The following CNTN4 variants were observed in gnomAD, a reference collection of about 807,000 sequenced individuals.
The protein encoded by CNTN4 is contactin-4.
A neutral mutation model predicts 122.5 loss-of-function variants in CNTN4; 77 were observed. That is an observed-to-expected ratio of 0.63 (90% CI 0.52 to 0.76). The LOEUF (loss-of-function observed/expected upper bound fraction) is 0.76, where lower values mean the gene tolerates loss of function less well. Ranked by LOEUF, CNTN4 falls within the 30% of genes least tolerant of loss-of-function variation. The pLI is 0.00. For synonymous variants in CNTN4, 512 were observed against 447.0 expected, an observed-to-expected ratio of 1.15 and a Z score of -1.83; for missense variants, 1,256 against 1,259.1, an observed-to-expected ratio of 1.00 and a Z score of 0.04.
At chr3:2,152,174 G>A (rs1198747797) in intron 2 of CNTN4, among the ~76,000 whole-genome samples, 1 of 152,118 alleles carries the variant, frequency 6.6e-6, no homozygotes, top group Non-Finnish European at 1.5e-5. Context: ...TGTGGGAGAA[G>A]GAATTACCAG....
At chr3:2,850,076 A>C (rs1577048856) in intron 7 of CNTN4, among the ~76,000 whole-genome samples, 1 of 144,054 alleles carries the variant, frequency 6.9e-6, no homozygotes, top group East Asian at 2.1e-4. Flanking sequence ...TGCAAGCTCC[A>C]CCTCCCGAGT....
chr3:2,601,181 G>A (rs1474653036), intron 4 of CNTN4, among the ~76,000 whole-genome samples: 1 of 152,126 alleles, frequency 6.6e-6, no homozygotes, highest in Admixed American at 6.5e-5. Context: ...AGTTTCTTTT[G>A]TTGTGCAGAA....
At chr3:2,216,335 T>A (rs906098831) in intron 2 of CNTN4, among the ~76,000 whole-genome samples, 19 of 152,240 alleles carry the variant, frequency 1.2e-4, no homozygotes, top group Admixed American at 1.0e-3. Context: ...AGCTAAATGA[T>A]GAGAACTTAT....
intron 4 of CNTN4, among the ~76,000 whole-genome samples, chr3:2,616,021 T>C (rs1333859115): frequency 4.7e-5 from 2 of 42,188 alleles, no homozygotes; most frequent in African/African-American, 1.5e-4. Flanking sequence ...TCAGGCTGCC[T>C]TTTTTTTTTT....
At chr3:2,464,877 T>C (rs1559576760) in intron 3 of CNTN4, among the ~76,000 whole-genome samples, 1 of 152,214 alleles carries the variant, frequency 6.6e-6, no homozygotes, top group Non-Finnish European at 1.5e-5. Context: ...CATCTGGAAA[T>C]GACTTTCCTG....
intron 4 of CNTN4, among the ~76,000 whole-genome samples, chr3:2,660,200 A>C (rs2083811110): frequency 7.0e-6 from 1 of 143,278 alleles, no homozygotes; most frequent in Admixed American, 7.1e-5. Flanking sequence ...TCAAGGTCTA[A>C]GAGATGGTTT....
chr3:2,212,594 C>T (rs2038671415), intron 2 of CNTN4, among the ~76,000 whole-genome samples: 1 of 152,220 alleles, frequency 6.6e-6, no homozygotes, highest in African/African-American at 2.4e-5. Flanking sequence ...GTGATCTCTA[C>T]CTGGCCCTGC....
intron 4 of CNTN4, among the ~76,000 whole-genome samples, chr3:2,704,296 C>CAAAAAAAAA (rs151155380): frequency 1.4e-5 from 1 of 69,510 alleles, no homozygotes; most frequent in Admixed American, 1.8e-4. Flanking sequence ...GACTTCATTT[C>CAAAAAAAAA]AAAAAAAAAA....
intron 10 of CNTN4, among the ~76,000 whole-genome samples, chr3:2,896,936 T>G (rs927652919): frequency 2.6e-5 from 4 of 151,752 alleles, no homozygotes; most frequent in South Asian, 2.1e-4. Flanking sequence ...AGAGGGTTTT[T>G]TTTTTTTTTT....
intron 3 of CNTN4, among the ~76,000 whole-genome samples, chr3:2,433,183 A>G (rs2048139614): frequency 6.6e-6 from 1 of 152,164 alleles, no homozygotes; most frequent in Admixed American, 6.5e-5. Flanking sequence ...AGAATCATAT[A>G]GTAATTCTAT....
intron 2 of CNTN4, among the ~76,000 whole-genome samples, chr3:2,173,828 A>G (rs115162385): frequency 0.02 from 3,040 of 152,318 alleles, 109 homozygotes; most frequent in African/African-American, 0.069. Flanking sequence ...ATAAAATTTG[A>G]AAAAGAACTA....
chr3:2,159,931 G>A (rs904466021), intron 2 of CNTN4, among the ~76,000 whole-genome samples: 11 of 151,432 alleles, frequency 7.3e-5, no homozygotes, highest in Non-Finnish European at 1.3e-4. Flanking sequence ...TTGCAAATTA[G>A]AAAATGACTA....
chr3:2,311,015 A>G (rs1287970924), intron 2 of CNTN4, among the ~76,000 whole-genome samples: 1 of 152,130 alleles, frequency 6.6e-6, no homozygotes, highest in Non-Finnish European at 1.5e-5. Flanking sequence ...TTTATTTTTT[A>G]AGAATGAAAA....
chr3:2,482,994 A>G (rs1201991520), intron 3 of CNTN4, among the ~76,000 whole-genome samples: 1 of 152,166 alleles, frequency 6.6e-6, no homozygotes, highest in Admixed American at 6.5e-5. Context: ...GAAGGCCACC[A>G]TCCTCCAGAC....
chr3:2,927,257 T>C (rs1332441958), intron 13 of CNTN4: 1 of 453,948 alleles, frequency 2.2e-6, no homozygotes, highest in Non-Finnish European at 4.4e-6. Context: ...CCCTGAGTTC[T>C]GGCTTATAAC....
intron 2 of CNTN4, among the ~76,000 whole-genome samples, chr3:2,184,131 G>A (rs1464782510): frequency 6.6e-6 from 1 of 151,892 alleles, no homozygotes; most frequent in Non-Finnish European, 1.5e-5. Flanking sequence ...ACCATCACAC[G>A]TGGCTAATTT....
chr3:2,824,446 G>A (rs1485421008), intron 7 of CNTN4, among the ~76,000 whole-genome samples: 1 of 147,226 alleles, frequency 6.8e-6, no homozygotes, highest in Admixed American at 6.8e-5. Context: ...GACAGAGCGA[G>A]ACTCTGGCTC....
At chr3:2,591,078 T>C (rs568038535) in intron 4 of CNTN4, among the ~76,000 whole-genome samples, 1 of 152,298 alleles carries the variant, frequency 6.6e-6, no homozygotes, top group East Asian at 1.9e-4. Context: ...CAATATTTCT[T>C]ACAATTTATA....
chr3:2,457,538 T>G (rs766032840), intron 3 of CNTN4, among the ~76,000 whole-genome samples: 1 of 152,114 alleles, frequency 6.6e-6, no homozygotes, highest in African/African-American at 2.4e-5. Context: ...ATTATGAATA[T>G]TCCCAAATGC....
Sources: allele counts gnomAD v4.1 joint callset (sites outside exome capture counted in the v4.1 genomes callset), GRCh38; gene constraint gnomAD v4.1.1; transcripts MANE v1.5; gene names NCBI Gene and HGNC (gene_info 2026-07-23, HGNC 2026-07-21).